ESRP1: variants seen among roughly 807,000 people sequenced by gnomAD.
ESRP1 encodes RNA-binding motif protein 35A.
Under a neutral mutation model 81.7 loss-of-function variants are expected in ESRP1, and 33 were observed. That is an observed-to-expected ratio of 0.40 (90% CI 0.31 to 0.54). The LOEUF is 0.54. Among genes scored for constraint, ESRP1 ranks in the 20% least tolerant of loss-of-function variants. The probability of loss-of-function intolerance (pLI) is 0.41; values close to 1 mark genes in which losing one functional copy is unlikely to be tolerated. For synonymous variants in ESRP1, 320 were observed against 303.3 expected (o/e 1.06, Z -0.57); for missense variants, 672 against 833.1 (o/e 0.81, Z 2.38).
intron 11 of ESRP1, among the ~76,000 whole-genome samples, chr8:94,673,305 A>G (rs1055324931): frequency 6.6e-6 from 1 of 152,226 alleles, no homozygotes; most frequent in African/African-American, 2.4e-5. Flanking sequence ...TCTTTGCCTC[A>G]TGTGACCTAT....
At chr8:94,662,720 G>A (rs1818812862) in intron 6 of ESRP1, among the ~76,000 whole-genome samples, 165 bp downstream of exon 6, 1 of 151,820 alleles carries the variant, frequency 6.6e-6, no homozygotes, top group Non-Finnish European at 1.5e-5. Context: ...CCATTCTCCT[G>A]CCTCAGCCTC....
At position 94,701,917 on chromosome 8, in the gene ESRP1, A is replaced by G. The variant is rs560380658; in HGVS notation, c.*36-4008A>G. 1.4e-4 allele frequency among the ~76,000 whole-genome samples: 21 copies of G among 152,286 alleles called. No individual in the cohort carries two copies. The South Asian group carries it at 4.4e-3, about 32-fold the overall frequency. On this transcript the variant is annotated intron_variant, in intron 15 of 15. Coordinates refer to ENST00000433389, the MANE Select transcript of ESRP1 (RefSeq NM_017697.4). ...AATGTGGTGAGACCTCGTCTCTACAAAAAATTAAAAGATAGCCAGGTGTCG... is the reference window on the plus strand; with the variant it reads ...AATGTGGTGAGACCTCGTCTCTACAGAAAATTAAAAGATAGCCAGGTGTCG...
intron 11 of ESRP1, among the ~76,000 whole-genome samples, chr8:94,671,918 A>G (rs2130641988): frequency 6.6e-6 from 1 of 152,346 alleles, no homozygotes; most frequent in East Asian, 1.9e-4. Context: ...ACTTAACTGT[A>G]AATACAAGAG....
intron 15 of ESRP1, among the ~76,000 whole-genome samples, chr8:94,700,969 G>GTATGTGTGTGTA (rs1301684921): frequency 6.7e-4 from 93 of 139,474 alleles, no homozygotes; most frequent in African/African-American, 2.6e-3. Flanking sequence ...GTGTGTGTGT[G>GTATGTGTGTGTA]TGTGTGTGTG....
chr8:94,689,634 G>C (rs945409931), intron 13 of ESRP1, among the ~76,000 whole-genome samples: 1 of 151,674 alleles, frequency 6.6e-6, no homozygotes, highest in South Asian at 2.1e-4. Flanking sequence ...ATCCACAAAA[G>C]ACCTTAAGAT....
At chr8:94,682,907 TATATATATATATATATATATA>T (rs1808960375) in intron 13 of ESRP1, among the ~76,000 whole-genome samples, 1 of 23,326 alleles carries the variant, frequency 4.3e-5, no homozygotes, top group African/African-American at 2.2e-4. Flanking sequence ...CATTATTTTA[TATATATATATATATATATATA>T]TATATTTTTT....
chr8:94,693,919 CTA>C (rs1371209401), intron 14 of ESRP1, among the ~76,000 whole-genome samples: 1 of 152,156 alleles, frequency 6.6e-6, no homozygotes, highest in Non-Finnish European at 1.5e-5. Flanking sequence ...CTGACAAAAT[CTA>C]TGGCTGATAG....
chr8:94,700,928 C>CA lies in ESRP1; in HGVS notation c.*35+3976dup, dbSNP rs1228614548. 2.4e-3 allele frequency among the ~76,000 whole-genome samples: 324 copies of CA among 136,782 alleles called. No homozygotes were observed. In the Middle Eastern group the frequency reaches 0.049, roughly 21 times the overall value. 89.7% of individuals were successfully genotyped at this position (136,782 alleles called of 152,430 possible). ...TGGGCAACAGAGCAAGACTCCGACT[C>CA]AAAAAAAAATGTGTGTGTGTGTGTA... is the stretch of plus-strand genomic sequence containing the variant. On this transcript the variant is annotated intron_variant, in intron 15 of 15. Coordinates refer to ENST00000433389, the MANE Select transcript of ESRP1 (RefSeq NM_017697.4).
chr8:94,641,446 A>G lies in ESRP1; in HGVS notation c.128A>G (p.Lys43Arg), dbSNP rs769810235. ...TGGAAAGTCGTGGATCTGGCCAACA[A>G]GAAGGTATTTCTCCACATTTTCGTC... is the stretch of plus-strand genomic sequence containing the variant. The part of the protein sequence containing the change: ...LFWKVVDLAN[K>R]KVGQLHEVLV... Residue 43 changes from lysine (K) to arginine (R), a missense_variant, in exon 1 of 16, where the codon AAG becomes AGG. By Grantham distance (26) the Lys-to-Arg change is conservative. Transcript: ENST00000433389. 16 of 1,613,672 alleles carry G rather than the reference A, an allele frequency of 9.9e-6. No individual in the cohort carries two copies. Among genetic ancestry groups the G allele is most frequent in the Non-Finnish European group, 1.4e-5 (16 of 1,179,850 alleles).
At position 94,692,802 on chromosome 8, in the gene ESRP1, T is replaced by C. The variant is rs1269710599; in HGVS notation, c.1946T>C (p.Ile649Thr). ...GLAYNTGVKE[I>T]LNFFQGYQYA... is the part of the protein sequence containing the mutation. ...GCCTACAATACTGGAGTTAAGGAAA[T>C]TCTTAACTTCTTCCAAGGTTACCAG... Residue 649 changes from isoleucine to threonine, a missense_variant, in exon 14 of 16, where the codon ATT becomes ACT. Physicochemically the swap from Ile to Thr is moderately conservative, Grantham distance 89 (BLOSUM62 -1). Coordinates refer to ENST00000433389, the MANE Select transcript of ESRP1 (RefSeq NM_017697.4). 6.2e-7 allele frequency: 1 copy of C among 1,613,372 alleles called. No individual in the cohort carries two copies. The highest frequency in any genetic ancestry group is 2.2e-5 in the East Asian group (1 of 44,888).
intron 3 of ESRP1, among the ~76,000 whole-genome samples, chr8:94,644,859 A>G (rs1258326917): frequency 6.6e-6 from 1 of 152,234 alleles, no homozygotes; most frequent in African/African-American, 2.4e-5. Flanking sequence ...GCCACTCAAT[A>G]TATTAAAATG....
intron 6 of ESRP1, among the ~76,000 whole-genome samples, chr8:94,663,045 A>G (rs1433088509): frequency 6.6e-6 from 1 of 152,178 alleles, no homozygotes; most frequent in Non-Finnish European, 1.5e-5. Flanking sequence ...GATATTGGGA[A>G]TAAAATGTAA....
chr8:94,695,664 A>C (rs775762279), intron 14 of ESRP1, among the ~76,000 whole-genome samples: 27 of 151,734 alleles, frequency 1.8e-4, no homozygotes, highest in Non-Finnish European at 3.4e-4. Flanking sequence ...CAGCTAGCCT[A>C]TTTTTCTTTT....
chr8:94,664,624 G>C (rs772716605), intron 6 of ESRP1, 73 bp from the exon 7 acceptor site: 1 of 1,044,706 alleles, frequency 9.6e-7, no homozygotes, highest in Non-Finnish European at 1.5e-6. Context: ...CTAGGCAGTT[G>C]TCTTGCAGGG....
chr8:94,681,325 CAAAAAA>C (rs1171703394), intron 13 of ESRP1, among the ~76,000 whole-genome samples: 1 of 31,266 alleles, frequency 3.2e-5, no homozygotes, highest in African/African-American at 1.3e-4. Flanking sequence ...GACTCCATCT[CAAAAAA>C]AAAAAAAAAA....
chr8:94,662,646 C>T (rs1818808417), intron 6 of ESRP1, 91 bp downstream of exon 6: 8 of 1,154,138 alleles, frequency 6.9e-6, no homozygotes, highest in South Asian at 4.6e-5. Context: ...CTTGCTCTGT[C>T]GCCCAGGCTG....
At chr8:94,654,148 G>A (rs1011959116) in intron 4 of ESRP1, among the ~76,000 whole-genome samples, 4 of 129,562 alleles carry the variant, frequency 3.1e-5, no homozygotes, top group African/African-American at 1.1e-4. Context: ...GCGGAACCCC[G>A]TCTCTACTAA....
At chr8:94,689,733 T>C (rs1054760115) in intron 13 of ESRP1, among the ~76,000 whole-genome samples, 1 of 150,610 alleles carries the variant, frequency 6.6e-6, no homozygotes, top group Admixed American at 6.7e-5. Flanking sequence ...CTGCAACCTC[T>C]GCCTCCTGGG....
intron 10 of ESRP1, among the ~76,000 whole-genome samples, chr8:94,668,699 T>G (rs1819145195): frequency 6.6e-6 from 1 of 152,144 alleles, no homozygotes; most frequent in African/African-American, 2.4e-5. Context: ...TTTTAAGGTT[T>G]TTAATGTGTT....
Sources: allele counts gnomAD v4.1 joint callset (sites outside exome capture counted in the v4.1 genomes callset), GRCh38; gene constraint gnomAD v4.1.1; transcripts MANE v1.5; gene names NCBI Gene and HGNC (gene_info 2026-07-23, HGNC 2026-07-21).